Variants in ITFG1 observed in about 807,000 individuals in gnomAD.
The protein encoded by ITFG1 is T-cell immunomodulatory protein.
A neutral mutation model predicts 81.8 loss-of-function variants in ITFG1; 34 were observed. The ratio of observed to expected loss-of-function variants is 0.42; its 90% CI spans 0.32 to 0.55. The LOEUF is 0.55. ITFG1 is among the 20% of genes least tolerant of loss of function. The pLI, the probability that ITFG1 is intolerant of heterozygous loss-of-function variation, is 0.17. For missense variants in ITFG1, 672 were observed against 755.4 expected, an observed-to-expected ratio of 0.89 and a Z score of 1.29; for synonymous variants, 285 against 270.6, an observed-to-expected ratio of 1.05 and a Z score of -0.52.
intron 6 of ITFG1, among the ~76,000 whole-genome samples, chr16:47,386,895 A>C (rs1968470157): frequency 6.6e-6 from 1 of 152,244 alleles, no homozygotes; most frequent in Admixed American, 6.5e-5. Context: ...AAAGCAATAG[A>C]GAGAAGGCAG....
At chr16:47,445,485 A>G (rs368719521) in intron 5 of ITFG1, among the ~76,000 whole-genome samples, 67 of 152,164 alleles carry the variant, frequency 4.4e-4, no homozygotes, top group African/African-American at 1.5e-3. Flanking sequence ...CTGTATTTCC[A>G]TATTTCTTTG....
intron 14 of ITFG1, among the ~76,000 whole-genome samples, chr16:47,217,343 C>T (rs1434874620): frequency 6.6e-6 from 1 of 152,114 alleles, no homozygotes; most frequent in Non-Finnish European, 1.5e-5. Flanking sequence ...CACCAGTGAA[C>T]TTAGTTTTTG....
intron 13 of ITFG1, among the ~76,000 whole-genome samples, chr16:47,229,401 G>A (rs1454454726): frequency 6.6e-6 from 1 of 152,156 alleles, no homozygotes; most frequent in African/African-American, 2.4e-5. Context: ...TAGTGGTTCA[G>A]AGATCTGATT....
chr16:47,446,809 T>C (rs1215935797), intron 5 of ITFG1, among the ~76,000 whole-genome samples: 2 of 152,142 alleles, frequency 1.3e-5, no homozygotes, highest in East Asian at 1.9e-4. Flanking sequence ...TGGTAATAGA[T>C]ACTAATCTTA....
chr16:47,241,053 T>C (rs1965927495), intron 12 of ITFG1, among the ~76,000 whole-genome samples: 1 of 149,098 alleles, frequency 6.7e-6, no homozygotes, highest in South Asian at 2.1e-4. Context: ...ACAATTTAAA[T>C]CATGGTTAAG....
intron 6 of ITFG1, among the ~76,000 whole-genome samples, chr16:47,408,005 G>T (rs1968751156): frequency 6.6e-6 from 1 of 152,122 alleles, no homozygotes; most frequent in Admixed American, 6.5e-5. Context: ...GACACTCAGG[G>T]TATTACTGTA....
At chr16:47,440,436 G>C (rs1049099486) in intron 5 of ITFG1, among the ~76,000 whole-genome samples, 2 of 152,186 alleles carry the variant, frequency 1.3e-5, no homozygotes, top group Non-Finnish European at 2.9e-5. Context: ...ATACGTGGAA[G>C]TAAAGCACTT....
chr16:47,220,833 C>T (rs939396558), intron 13 of ITFG1, among the ~76,000 whole-genome samples: 11 of 152,108 alleles, frequency 7.2e-5, no homozygotes, highest in African/African-American at 2.7e-4. Context: ...AAAAAATCTG[C>T]TCCTCAATAA....
At chr16:47,422,826 G>A (rs1968968410) in intron 6 of ITFG1, among the ~76,000 whole-genome samples, 1 of 152,120 alleles carries the variant, frequency 6.6e-6, no homozygotes, top group African/African-American at 2.4e-5. Context: ...TATTTCTGTG[G>A]GAGTGCTTTA....
chr16:47,439,714 T>C (rs895785104), intron 5 of ITFG1, among the ~76,000 whole-genome samples: 9 of 152,054 alleles, frequency 5.9e-5, no homozygotes, highest in Admixed American at 1.3e-4. Context: ...ACAACCGGTA[T>C]CAGCCACTGC....
At chr16:47,454,675 A>G (rs2151619590) in intron 2 of ITFG1, among the ~76,000 whole-genome samples, 1 of 152,284 alleles carries the variant, frequency 6.6e-6, no homozygotes, top group Admixed American at 6.5e-5. Context: ...TTTTTTAACG[A>G]AACTTGGCAA....
At chr16:47,180,808 G>A (rs942355110) in intron 14 of ITFG1, among the ~76,000 whole-genome samples, 16 of 151,422 alleles carry the variant, frequency 1.1e-4, no homozygotes, top group African/African-American at 2.7e-4. Context: ...CCGCCACCCC[G>A]TCTGGGAAGT....
rs1968778033 is a variant in ITFG1, at chr16:47,409,404, A to ACATTTT, written c.655+19399_655+19400insAAAATG. Among the ~76,000 whole-genome samples, 22 of 6,102 alleles carry ACATTTT rather than the reference A, an allele frequency of 3.6e-3. 2 individuals are homozygous for ACATTTT. Among genetic ancestry groups the ACATTTT allele is most frequent in the Non-Finnish European group, 5.3e-3 (18 of 3,404 alleles). 4.0% of individuals were successfully genotyped at this position (6,102 alleles called of 152,430 possible). On this transcript the variant is annotated intron_variant, in intron 6 of 17. Transcript: ENST00000320640. The stretch of plus-strand genomic sequence containing the variant: ...TATATATATATATATATATATATAT[A>ACATTTT]TTTTTTTTTTTTTTTTTTTTTTTTT...
intron 14 of ITFG1, among the ~76,000 whole-genome samples, chr16:47,177,235 G>T (rs978406601): frequency 1.3e-5 from 2 of 152,266 alleles, no homozygotes; most frequent in East Asian, 3.9e-4. Flanking sequence ...CTCCTGAGTA[G>T]CTGGGATTAC....
At chr16:47,443,655 AC>A (rs1378691289) in intron 5 of ITFG1, among the ~76,000 whole-genome samples, 3 of 152,116 alleles carry the variant, frequency 2.0e-5, no homozygotes, top group Admixed American at 2.0e-4. Context: ...AGGAGAAAAA[AC>A]CAAACACCGC....
At chr16:47,285,352 C>A (rs1256831155) in intron 10 of ITFG1, among the ~76,000 whole-genome samples, 1 of 152,190 alleles carries the variant, frequency 6.6e-6, no homozygotes, top group African/African-American at 2.4e-5. Context: ...TGAGCCCCTG[C>A]CCCGTACCTC....
At position 47,260,713 on chromosome 16, in the gene ITFG1, G is replaced by A; in HGVS notation, c.1071-18C>T. The stretch of plus-strand genomic sequence containing the variant: ...GCTGGTTGCTGTGCGCCAAAGGAAA[G>A]GCATTTCGTTAATATAAACATCAAC... On this transcript the variant is annotated intron_variant, in intron 10 of 17. Transcript: ENST00000320640. The A allele has an allele frequency of 6.2e-7, 1 of 1,613,914 alleles. No individual in the cohort carries two copies. The highest frequency in any genetic ancestry group is 1.3e-5 in the African/African-American group (1 of 75,026).
At chr16:47,345,865 C>G (rs1407450426) in intron 8 of ITFG1, among the ~76,000 whole-genome samples, 1 of 152,170 alleles carries the variant, frequency 6.6e-6, no homozygotes, top group Non-Finnish European at 1.5e-5. Flanking sequence ...ACCATATATG[C>G]ACCCAACATC....
intron 6 of ITFG1, among the ~76,000 whole-genome samples, chr16:47,415,040 C>G (rs1375228139): frequency 1.3e-5 from 2 of 152,156 alleles, no homozygotes; most frequent in Non-Finnish European, 2.9e-5. Flanking sequence ...ACACTGTTGT[C>G]TAAAATCAAA....
Sources: allele counts gnomAD v4.1 joint callset (sites outside exome capture counted in the v4.1 genomes callset), GRCh38; gene constraint gnomAD v4.1.1; transcripts MANE v1.5; gene names NCBI Gene and HGNC (gene_info 2026-07-23, HGNC 2026-07-21).